The following IL1RAPL1 variants were observed in gnomAD, a reference collection of about 807,000 sequenced individuals.
IL1RAPL1 encodes the protein interleukin-1 receptor accessory protein-like 1.
IL1RAPL1 carries 3 observed loss-of-function variants against 48.4 expected under a neutral mutation model. The ratio of observed to expected loss-of-function variants is 0.06; its 90% CI spans 0.03 to 0.16. The LOEUF is 0.16. IL1RAPL1 is among the 10% of genes least tolerant of loss of function. The pLI, the probability that IL1RAPL1 is intolerant of heterozygous loss-of-function variation, is 1.00. For missense variants in IL1RAPL1, 349 were observed against 530.6 expected (o/e 0.66, Z 3.36); for synonymous variants, 185 against 187.7 (o/e 0.99, Z 0.12).
intron 5 of IL1RAPL1, among the ~76,000 whole-genome samples, chrX:29,636,077 C>CA (rs938932528): frequency 2.3e-4 from 24 of 105,459 alleles, no homozygotes; most frequent in Admixed American, 1.3e-3. Flanking sequence ...AAGTCTAAAG[C>CA]AAAAAAAAAC....
intron 5 of IL1RAPL1, among the ~76,000 whole-genome samples, chrX:29,604,600 G>A (rs765885425): frequency 1.7e-4 from 19 of 110,354 alleles, no homozygotes; most frequent in African/African-American, 2.6e-4. Flanking sequence ...CACCGTACCC[G>A]GCCCCAAATT....
chrX:28,663,134 A>G (rs776059362), intron 1 of IL1RAPL1, among the ~76,000 whole-genome samples: 1 of 112,415 alleles, frequency 8.9e-6, no homozygotes, highest in East Asian at 2.8e-4. Context: ...GGGACCAAGC[A>G]GAGATGCTCA....
At chrX:28,737,900 C>T (rs767874319) in intron 1 of IL1RAPL1, among the ~76,000 whole-genome samples, 1 of 109,949 alleles carries the variant, frequency 9.1e-6, no homozygotes, top group Non-Finnish European at 1.9e-5. Flanking sequence ...AACCAATGAC[C>T]GAGGCTTCTT....
chrX:28,984,615 A>G (rs1925421809), intron 2 of IL1RAPL1, among the ~76,000 whole-genome samples: 1 of 111,067 alleles, frequency 9.0e-6, no homozygotes, highest in African/African-American at 3.3e-5. Context: ...ACTTACCTAT[A>G]TATCTCAGGC....
intron 6 of IL1RAPL1, among the ~76,000 whole-genome samples, chrX:29,840,410 G>A (rs1357155909): frequency 9.0e-6 from 1 of 111,542 alleles, no homozygotes; most frequent in East Asian, 2.8e-4. Flanking sequence ...TTCAAAATTG[G>A]TCAGTAAATG....
intron 5 of IL1RAPL1, among the ~76,000 whole-genome samples, chrX:29,586,202 C>G (rs1444793985): frequency 1.8e-5 from 2 of 111,456 alleles, no homozygotes; most frequent in Non-Finnish European, 1.9e-5. Flanking sequence ...GTTTTTAATT[C>G]ATTTTGAGTT....
chrX:29,059,559 T>C (rs1927297023), intron 2 of IL1RAPL1, among the ~76,000 whole-genome samples: 1 of 111,691 alleles, frequency 9.0e-6, no homozygotes, highest in Admixed American at 9.6e-5. Context: ...CAAACATTTT[T>C]GGGGAATGAC....
chrX:28,896,914 G>A (rs1170638121), intron 2 of IL1RAPL1, among the ~76,000 whole-genome samples: 2 of 111,213 alleles, frequency 1.8e-5, no homozygotes, highest in African/African-American at 6.5e-5. Flanking sequence ...GATCTTGTAG[G>A]ATGGAAAAAT....
intron 8 of IL1RAPL1, among the ~76,000 whole-genome samples, chrX:29,920,777 A>G (rs752287486): frequency 2.2e-5 from 2 of 92,546 alleles, no homozygotes; most frequent in South Asian, 1.3e-3. Context: ...CCTGGGTGAC[A>G]GAGTGAGACC....
intron 1 of IL1RAPL1, among the ~76,000 whole-genome samples, chrX:28,726,233 T>A (rs1046565771): frequency 1.2e-4 from 13 of 112,254 alleles, no homozygotes; most frequent in Non-Finnish European, 2.4e-4. Flanking sequence ...AGGTATATAA[T>A]CTGAGTCTCA....
intron 2 of IL1RAPL1, among the ~76,000 whole-genome samples, chrX:29,004,574 A>C (rs1925931585): frequency 8.9e-6 from 1 of 112,709 alleles, no homozygotes; most frequent in African/African-American, 3.2e-5. Flanking sequence ...GGAATACTGC[A>C]TAGAGGGAAG....
chrX:29,877,958 A>C (rs781591562), intron 6 of IL1RAPL1, among the ~76,000 whole-genome samples: 1 of 112,027 alleles, frequency 8.9e-6, no homozygotes, highest in Non-Finnish European at 1.9e-5. Context: ...TTAATCATCA[A>C]TGTACCCACA....
At chrX:29,620,779 A>G (rs1257419344) in intron 5 of IL1RAPL1, among the ~76,000 whole-genome samples, 1 of 111,709 alleles carries the variant, frequency 9.0e-6, no homozygotes, top group East Asian at 2.8e-4. Flanking sequence ...AAAATATTTT[A>G]CTCATTCCAT....
At chrX:28,721,726 A>C (rs1935583887) in intron 1 of IL1RAPL1, among the ~76,000 whole-genome samples, 1 of 111,216 alleles carries the variant, frequency 9.0e-6, no homozygotes, top group Non-Finnish European at 1.9e-5. Context: ...TTATGGTTTT[A>C]GGTCTGACAT....
At chrX:29,504,475 T>C (rs1935307742) in intron 5 of IL1RAPL1, among the ~76,000 whole-genome samples, 1 of 111,986 alleles carries the variant, frequency 8.9e-6, no homozygotes, top group South Asian at 3.7e-4. Flanking sequence ...ATCTCTCCTT[T>C]TAAATCTATT....
intron 2 of IL1RAPL1, among the ~76,000 whole-genome samples, chrX:29,275,744 A>G (rs992434753): frequency 8.9e-6 from 1 of 111,976 alleles, no homozygotes; most frequent in Admixed American, 9.5e-5. Context: ...GTTCCCACTT[A>G]TAGATGATAT....
intron 6 of IL1RAPL1, among the ~76,000 whole-genome samples, chrX:29,725,129 T>C (rs1309428658): frequency 9.0e-6 from 1 of 111,392 alleles, no homozygotes; most frequent in East Asian, 2.8e-4. Context: ...AAGTTACTCC[T>C]TTATTTAATC....
intron 5 of IL1RAPL1, among the ~76,000 whole-genome samples, chrX:29,457,512 C>T (rs1934753814): frequency 9.0e-6 from 1 of 111,568 alleles, no homozygotes; most frequent in Non-Finnish European, 1.9e-5. Context: ...CTACAAAGGA[C>T]ACGATTTTGT....
At chrX:28,905,434 C>T (rs971400653) in intron 2 of IL1RAPL1, among the ~76,000 whole-genome samples, 1 of 110,919 alleles carries the variant, frequency 9.0e-6, no homozygotes, top group Non-Finnish European at 1.9e-5. Context: ...AGAAAGAGAA[C>T]AAAATGGATC....
Sources: gnomAD v4.1 joint callset for allele counts (sites outside exome capture counted in the v4.1 genomes callset) on GRCh38, gnomAD v4.1.1 for gene constraint, MANE v1.5 for transcripts, NCBI Gene and HGNC (gene_info 2026-07-23, HGNC 2026-07-21) for gene names.